IQSEC2: variants seen among roughly 807,000 people sequenced by gnomAD.
IQSEC2 encodes the protein IQ motif and Sec7 domain ArfGEF 2.
Under a neutral mutation model 74.6 loss-of-function variants are expected in IQSEC2, and 6 were observed. That is an observed-to-expected ratio of 0.08 (90% CI 0.04 to 0.16). The LOEUF (loss-of-function observed/expected upper bound fraction) is 0.16, where lower values mean the gene tolerates loss of function less well. IQSEC2 is among the 10% of genes least tolerant of loss of function. The probability of loss-of-function intolerance (pLI) is 1.00; values close to 1 mark genes in which losing one functional copy is unlikely to be tolerated. For synonymous variants in IQSEC2, 494 were observed against 544.5 expected (o/e 0.91, Z 1.29); for missense variants, 734 against 1,306.2 (o/e 0.56, Z 6.75).
chrX:53,318,069 G>A (rs1351913989), intron 1 of IQSEC2, among the ~76,000 whole-genome samples: 1 of 111,667 alleles, frequency 9.0e-6, no homozygotes, highest in Non-Finnish European at 1.9e-5. Context: ...GAGAGCTCTA[G>A]AGAAAAAAAT....
At chrX:53,286,941 AAAAAAAAAAAAAAAAAG>A (rs1290393132) in intron 2 of IQSEC2, among the ~76,000 whole-genome samples, 2 of 98,774 alleles carry the variant, frequency 2.0e-5, no homozygotes, top group Non-Finnish European at 3.9e-5. Context: ...ATCCGGCTCA[AAAAAAAAAAAAAAAAAG>A]AAAAAGAAAA....
intron 1 of IQSEC2, among the ~76,000 whole-genome samples, chrX:53,317,613 A>G (rs2075390827): frequency 8.9e-6 from 1 of 112,056 alleles, no homozygotes; most frequent in Non-Finnish European, 1.9e-5. Flanking sequence ...GGGCCCCCCC[A>G]ACAAGCTGCA....
chrX:53,284,055 C>A (rs782433074), intron 2 of IQSEC2, among the ~76,000 whole-genome samples: 2 of 111,129 alleles, frequency 1.8e-5, no homozygotes, highest in South Asian at 7.7e-4. Context: ...CATGCAGAGC[C>A]TTGGAGGCCT....
At chrX:53,309,526 T>A (rs868921829) in intron 1 of IQSEC2, among the ~76,000 whole-genome samples, 1 of 111,981 alleles carries the variant, frequency 8.9e-6, no homozygotes, top group Non-Finnish European at 1.9e-5. Flanking sequence ...CTATGCTTCT[T>A]TTGAGAACAG....
At chrX:53,274,258 T>C (rs2074788150) in intron 2 of IQSEC2, among the ~76,000 whole-genome samples, 2 of 110,282 alleles carry the variant, frequency 1.8e-5, no homozygotes, top group South Asian at 7.7e-4. Context: ...CTTGGAGAAA[T>C]CTAGCTCCAG....
chrX:53,249,669 T>C (rs782401050), intron 5 of IQSEC2, among the ~76,000 whole-genome samples: 15 of 112,160 alleles, frequency 1.3e-4, no homozygotes, highest in African/African-American at 4.9e-4. Context: ...ACATCTAATG[T>C]TTTCCAATTA....
Position 53,321,166 on chromosome X carries a change from C to A in IQSEC2, c.-43G>T, listed in dbSNP as rs1556880401. On this transcript the variant is annotated 5_prime_UTR_variant, in exon 1 of 15. Transcript: ENST00000642864. ...AGGGGAACGGGCAGGAGAGCCCTGT[C>A]CCCGCTCTCTCACGGCGCCACCCTC... The A allele has an allele frequency of 4.6e-6, 4 of 867,959 alleles. No individual in the cohort carries two copies. The highest frequency in any genetic ancestry group is 6.5e-6 in the Non-Finnish European group (4 of 619,384). The allele number at this position is 867,959 out of a possible 1,213,427, so 71.5% of individuals were successfully genotyped here. A position where few individuals can be genotyped will look rare whatever the true frequency, so the allele number is the denominator to read the frequency against.
chrX:53,317,573 G>C (rs2075390228), intron 1 of IQSEC2, among the ~76,000 whole-genome samples: 1 of 111,974 alleles, frequency 8.9e-6, no homozygotes, highest in Admixed American at 9.4e-5. Context: ...GGATCATTGG[G>C]AGGACTAAAG....
chrX:53,304,084 G>A (rs1004670540), intron 1 of IQSEC2, among the ~76,000 whole-genome samples: 5 of 108,040 alleles, frequency 4.6e-5, no homozygotes, highest in Non-Finnish European at 7.7e-5. Context: ...GCAGTGAGCC[G>A]AGATTGCACC....
intron 1 of IQSEC2, among the ~76,000 whole-genome samples, chrX:53,317,480 T>A (rs971413215): frequency 2.7e-5 from 3 of 111,419 alleles, no homozygotes; most frequent in Non-Finnish European, 1.9e-5. Context: ...GTCTTATGAG[T>A]AATGTAAGCT....
At chrX:53,295,553 G>A (rs1227785704) in intron 1 of IQSEC2, among the ~76,000 whole-genome samples, 2 of 95,901 alleles carry the variant, frequency 2.1e-5, no homozygotes, top group South Asian at 1.1e-3. Flanking sequence ...GCAGTGAGCC[G>A]AGATTGCACC....
chrX:53,259,768 C>T (rs2074540928), intron 2 of IQSEC2, among the ~76,000 whole-genome samples: 1 of 109,088 alleles, frequency 9.2e-6, no homozygotes, highest in Non-Finnish European at 1.9e-5. Flanking sequence ...CCACTGCACT[C>T]CAGCCTGGGC....
chrX:53,298,321 A>C (rs2075176821), intron 1 of IQSEC2, among the ~76,000 whole-genome samples: 1 of 110,187 alleles, frequency 9.1e-6, no homozygotes, highest in African/African-American at 3.3e-5. Context: ...ATAGGACTTA[A>C]AACCTTTAGA....
At chrX:53,275,076 TG>T (rs1224974050) in intron 2 of IQSEC2, among the ~76,000 whole-genome samples, 8 of 112,119 alleles carry the variant, frequency 7.1e-5, no homozygotes, top group Non-Finnish European at 7.5e-5. Context: ...TTATAGCTTA[TG>T]GGTTTTTAAG....
chrX:53,320,392 G>A (rs1332193181), intron 1 of IQSEC2, 25 bp downstream of exon 1: 16 of 1,123,121 alleles, frequency 1.4e-5, no homozygotes, highest in Non-Finnish European at 1.9e-5. Flanking sequence ...GGGAAGAGCC[G>A]GGGGTACAAA....
chrX:53,301,666 A>C (rs1353585208), intron 1 of IQSEC2, among the ~76,000 whole-genome samples: 4 of 111,729 alleles, frequency 3.6e-5, no homozygotes, highest in African/African-American at 1.3e-4. Flanking sequence ...CACATATCTC[A>C]AGGCTCCATA....
chrX:53,230,169 C>A (rs1249929917), downstream of IQSEC2: 2 of 112,634 alleles, frequency 1.8e-5, no homozygotes, highest in Non-Finnish European at 3.8e-5. Flanking sequence ...AAGACTACTC[C>A]ACTAAAAGGA....
rs189679859 is a variant in IQSEC2, at chrX:53,238,612, A to C, written c.3116-306T>G. Among the ~76,000 whole-genome samples the C allele has an allele frequency of 5.5e-5, 6 of 109,399 alleles. No homozygotes were observed. The East Asian group carries it at 1.7e-3, about 32-fold the overall frequency. The allele number at this position is 109,399 out of a possible 115,157, so 95.0% of individuals were successfully genotyped here. ...AGGCTGGTTTCGAATTCCTGGGCTC[A>C]AGCGATCCTCTTGCCTTGGCCTCCC... On this transcript the variant is annotated intron_variant, in intron 11 of 14. Coordinates refer to ENST00000642864, the MANE Select transcript of IQSEC2 (RefSeq NM_001111125.3).
chrX:53,276,829 AT>A (rs1312092856), intron 2 of IQSEC2, among the ~76,000 whole-genome samples: 1 of 112,636 alleles, frequency 8.9e-6, no homozygotes, highest in East Asian at 2.7e-4. Flanking sequence ...TATGGAGATG[AT>A]TATATGATAT....
Sources: allele counts gnomAD v4.1 joint callset (sites outside exome capture counted in the v4.1 genomes callset), GRCh38; gene constraint gnomAD v4.1.1; transcripts MANE v1.5; gene names NCBI Gene and HGNC (gene_info 2026-07-23, HGNC 2026-07-21).